NEDD9: variants seen among roughly 807,000 people sequenced by gnomAD.
The protein encoded by NEDD9 is neural precursor cell expressed, developmentally down-regulated 9, also known as enhancer of filamentation 1.
NEDD9 carries 26 observed loss-of-function variants against 76.6 expected under a neutral mutation model. The ratio of observed to expected loss-of-function variants is 0.34; its 90% CI spans 0.25 to 0.47. NEDD9 has a LOEUF of 0.47. NEDD9 is among the 20% of genes least tolerant of loss of function. The probability of loss-of-function intolerance (pLI) is 1.00; values close to 1 mark genes in which losing one functional copy is unlikely to be tolerated. For missense variants in NEDD9, 937 were observed against 1,058.5 expected, an observed-to-expected ratio of 0.89 and a Z score of 1.59; for synonymous variants, 392 against 414.2, an observed-to-expected ratio of 0.95 and a Z score of 0.65.
intron 1 of NEDD9, among the ~76,000 whole-genome samples, chr6:11,368,198 G>GT (rs1762802097): frequency 6.6e-6 from 1 of 152,138 alleles, no homozygotes; most frequent in South Asian, 2.1e-4. Flanking sequence ...GGGCTGGGGG[G>GT]TACCCAGAAA....
intron 3 of NEDD9, among the ~76,000 whole-genome samples, chr6:11,255,905 G>A (rs1391896374): frequency 6.6e-6 from 1 of 152,094 alleles, no homozygotes; most frequent in Non-Finnish European, 1.5e-5. Context: ...AGAAATTTGG[G>A]CAGAAGTTGA....
chr6:11,377,221 G>A lies in NEDD9; in HGVS notation c.-214+4918C>T, dbSNP rs147394319. ...AGCTCCTACACAGAGTCCCCACCAG[G>A]GCACTACCTAGTGGAGCTGCGGAAA... On this transcript the variant is annotated intron_variant, in intron 1 of 3. Transcript: ENST00000397378. 9.8e-4 allele frequency among the ~76,000 whole-genome samples: 149 copies of A among 152,312 alleles called. 4 individuals carry two copies. The East Asian group carries it at 0.027, about 27-fold the overall frequency.
In NEDD9 at chr6:11,243,304, T is replaced by C. The variant is rs564093923; in HGVS notation, c.13-29577A>G. Among the ~76,000 whole-genome samples the C allele has an allele frequency of 1.6e-3, 245 of 152,240 alleles. 1 individual carries two copies. The highest frequency in any genetic ancestry group is 5.3e-3 in the African/African-American group (222 of 41,538). Reference sequence around the variant, plus strand: ...TGTTGAAATTACTAGAAAAAAGAAATGAAAAAGACTGGCAAAATACAAGCC... The same window carrying C: ...TGTTGAAATTACTAGAAAAAAGAAACGAAAAAGACTGGCAAAATACAAGCC... On this transcript the variant is annotated intron_variant, in intron 3 of 3. Coordinates refer to the NEDD9 transcript ENST00000397378.
At chr6:11,211,683 C>T (rs1025924881) in intron 2 of NEDD9, among the ~76,000 whole-genome samples, 3 of 152,228 alleles carry the variant, frequency 2.0e-5, no homozygotes, top group African/African-American at 7.2e-5. Flanking sequence ...CTCTAGGCAG[C>T]ATCGTTGTCG....
At chr6:11,306,192 ATCTG>A in intron 2 of NEDD9, 1 of 687,462 alleles carries the variant, frequency 1.5e-6, no homozygotes, top group Non-Finnish European at 2.5e-6. Context: ...GGTTGGTAAG[ATCTG>A]AAAAAAATTG....
intron 1 of NEDD9, among the ~76,000 whole-genome samples, chr6:11,343,804 T>C (rs577507858): frequency 6.6e-6 from 1 of 152,346 alleles, no homozygotes; most frequent in East Asian, 1.9e-4. Context: ...AGACACCAGA[T>C]TTTAGTCTAA....
Position 11,232,628 on chromosome 6 carries a change from G to T in NEDD9, c.-113C>A. 6.3e-7 allele frequency: 1 copy of T among 1,588,974 alleles called. No homozygotes were observed. The highest frequency in any genetic ancestry group is 8.6e-7 in the Non-Finnish European group (1 of 1,168,702). On this transcript the variant is annotated 5_prime_UTR_variant, in exon 1 of 7. Transcript: ENST00000379446. ...CTAGATGAAAGCGAGAAGGTCCCGG[G>T]CAGAGCCGCTTGTCAGTCGCAGCGC...
intron 2 of NEDD9, among the ~76,000 whole-genome samples, chr6:11,202,881 C>A (rs1343844342): frequency 6.6e-6 from 1 of 152,170 alleles, no homozygotes; most frequent in East Asian, 1.9e-4. Flanking sequence ...TAAATCACAG[C>A]CAGCTTCTTT....
chr6:11,379,161 T>C (rs1047704511), intron 1 of NEDD9, among the ~76,000 whole-genome samples: 1 of 152,254 alleles, frequency 6.6e-6, no homozygotes, highest in East Asian at 1.9e-4. Flanking sequence ...CACTGGGAGA[T>C]GCAGCCATGC....
intron 1 of NEDD9, among the ~76,000 whole-genome samples, chr6:11,218,069 G>A (rs1759008816): frequency 6.6e-6 from 1 of 152,196 alleles, no homozygotes; most frequent in Non-Finnish European, 1.5e-5. Flanking sequence ...CTCTACAGGA[G>A]GATGGCATCT....
chr6:11,349,313 C>A (rs1460270200), intron 1 of NEDD9, among the ~76,000 whole-genome samples: 1 of 152,086 alleles, frequency 6.6e-6, no homozygotes, highest in Non-Finnish European at 1.5e-5. Context: ...GCTTATATAC[C>A]ATTGGTGGGA....
Position 11,198,335 on chromosome 6 carries a change from C to G in NEDD9, c.460-4643G>C, listed in dbSNP as rs991747148. 6.6e-6 allele frequency: 1 copy of G among 152,248 alleles called. No individual in the cohort carries two copies. The allele number at this position is 152,248 out of a possible 1,614,324, so 9.4% of individuals were successfully genotyped here. On this transcript the variant is annotated intron_variant, in intron 2 of 6. Transcript: ENST00000379446. The surrounding 1 kb of genome is among the most constrained non-coding windows in gnomAD (Gnocchi z 4.7). ...CTTCTGAAGGCAGGGCCCCCAGGCT[C>G]TGCACCAACTCCCTCCCTCGGCGAG...
intron 3 of NEDD9, among the ~76,000 whole-genome samples, chr6:11,282,668 C>T (rs1760557718): frequency 6.6e-6 from 1 of 152,178 alleles, no homozygotes; most frequent in African/African-American, 2.4e-5. Flanking sequence ...AACCTAAACC[C>T]TACATCCCAT....
At chr6:11,309,825 G>A (rs549713140) in intron 2 of NEDD9, among the ~76,000 whole-genome samples, 58 of 152,240 alleles carry the variant, frequency 3.8e-4, no homozygotes, top group Middle Eastern at 3.4e-3. Flanking sequence ...TAGAGGTATA[G>A]AATAGTAATA....
chr6:11,330,012 G>A (rs957921373), intron 2 of NEDD9, among the ~76,000 whole-genome samples: 10 of 152,238 alleles, frequency 6.6e-5, no homozygotes, highest in African/African-American at 2.4e-4. Flanking sequence ...TATCTGTGCT[G>A]TCCGATGTGG....
intron 4 of NEDD9, 110 bp from the exon 5 acceptor site, chr6:11,191,315 G>T (rs1034409366): frequency 5.3e-6 from 6 of 1,132,918 alleles, no homozygotes; most frequent in African/African-American, 3.5e-5. Context: ...GCCCTCCCCC[G>T]CCCCAATGTT....
Position 11,183,476 on chromosome 6 carries a change from A to T in NEDD9, c.*1686T>A, listed in dbSNP as rs1757903366. On this transcript the variant is annotated 3_prime_UTR_variant, in exon 7 of 7. Coordinates refer to ENST00000379446, the MANE Select transcript of NEDD9 (RefSeq NM_006403.4). ...ACATTATACAATGAAATCTACAAAG[A>T]CACACTTTTTAACTTCAAGCGTTGT... 1 of 152,240 alleles carries T rather than the reference A, an allele frequency of 6.6e-6. No homozygotes were observed. The highest frequency in any genetic ancestry group is 6.5e-5 in the Admixed American group (1 of 15,282). 9.4% of individuals were successfully genotyped at this position (152,240 alleles called of 1,614,324 possible). A position where few individuals can be genotyped will look rare whatever the true frequency, so the allele number is the denominator to read the frequency against.
At chr6:11,338,787 T>C (rs1015603937) in intron 1 of NEDD9, among the ~76,000 whole-genome samples, 1 of 151,962 alleles carries the variant, frequency 6.6e-6, no homozygotes, top group Non-Finnish European at 1.5e-5. Flanking sequence ...CTGGGTGTAG[T>C]GGTGTGTGCC....
In NEDD9 at chr6:11,191,824, T is replaced by C. The variant is rs557747934; in HGVS notation, c.663+521A>G. Among the ~76,000 whole-genome samples the C allele has an allele frequency of 2.0e-4, 30 of 152,188 alleles. No homozygotes were observed. The South Asian group carries it at 5.6e-3, about 28-fold the overall frequency. On this transcript the variant is annotated intron_variant, in intron 4 of 6. Coordinates refer to ENST00000379446, the MANE Select transcript of NEDD9 (RefSeq NM_006403.4). The stretch of plus-strand genomic sequence containing the variant: ...ATGTTCAAAACAAGCCTGGGCAACA[T>C]AGGGAGACACCGTCTCTACAAAAAA...
Sources: allele counts gnomAD v4.1 joint callset (sites outside exome capture counted in the v4.1 genomes callset), GRCh38; gene constraint gnomAD v4.1.1; non-coding constraint Gnocchi (gnomAD v3.1); transcripts MANE v1.5; gene names NCBI Gene and HGNC (gene_info 2026-07-23, HGNC 2026-07-21).